The following MYCBP2 variants were observed in gnomAD, a reference collection of about 807,000 sequenced individuals.
MYCBP2 encodes the protein MYC binding protein 2.
In MYCBP2, 120 loss-of-function variants were observed where a neutral mutation model predicts 525.3. The ratio of observed to expected loss-of-function variants is 0.23; its 90% CI spans 0.20 to 0.27. The LOEUF (loss-of-function observed/expected upper bound fraction) is 0.27, where lower values mean the gene tolerates loss of function less well. Among genes scored for constraint, MYCBP2 ranks in the 10% least tolerant of loss-of-function variants. The pLI is 1.00. For missense variants in MYCBP2, 4,149 were observed against 5,657.1 expected (o/e 0.73, Z 8.55); for synonymous variants, 1,894 against 1,955.8 (o/e 0.97, Z 0.83).
intron 41 of MYCBP2, 88 bp downstream of exon 41, chr13:77,166,241 A>T: frequency 1.0e-6 from 1 of 959,866 alleles, no homozygotes; most frequent in African/African-American, 1.7e-5. Context: ...TCTAAAAATT[A>T]GATAAACATT....
intron 29 of MYCBP2, among the ~76,000 whole-genome samples, chr13:77,189,844 T>C (rs1242593012): frequency 6.6e-6 from 1 of 152,176 alleles, no homozygotes. Context: ...ACTCATTTTA[T>C]CAGTCTTATG....
intron 55 of MYCBP2, among the ~76,000 whole-genome samples, chr13:77,114,056 G>A (rs1386021407): frequency 1.3e-5 from 2 of 152,060 alleles, no homozygotes; most frequent in Non-Finnish European, 2.9e-5. Context: ...ATTATAATCC[G>A]GGGTAGAAAT....
rs530303175 is a variant in MYCBP2 at position 77,193,788 on chromosome 13, G to A, written c.3935+365C>T. Reference sequence around the variant, plus strand: ...TTATGGTCAAACATGACCACTTGACGCTAATTATTTATTACCTGTAATGCT... The same window carrying A: ...TTATGGTCAAACATGACCACTTGACACTAATTATTTATTACCTGTAATGCT... On this transcript the variant is annotated intron_variant, in intron 27 of 82. Transcript: ENST00000544440. Among the ~76,000 whole-genome samples, 3 of 152,122 alleles carry A rather than the reference G, an allele frequency of 2.0e-5. 1 individual carries two copies. Among genetic ancestry groups the A allele is most frequent in the African/African-American group, 7.2e-5 (3 of 41,500 alleles).
intron 18 of MYCBP2, among the ~76,000 whole-genome samples, chr13:77,229,774 A>G (rs1027765604): frequency 3.3e-5 from 5 of 152,214 alleles, no homozygotes; most frequent in African/African-American, 7.2e-5. Context: ...AAATTCAGAA[A>G]TAAAATTGAA....
intron 55 of MYCBP2, 181 bp from the exon 56 acceptor site, chr13:77,099,194 T>A (rs1452133825): frequency 1.2e-6 from 1 of 845,914 alleles, no homozygotes; most frequent in Non-Finnish European, 1.8e-6. Flanking sequence ...TTTCTACACA[T>A]CATTACACAA....
intron 34 of MYCBP2, among the ~76,000 whole-genome samples, chr13:77,178,775 T>C (rs1192015227): frequency 6.6e-6 from 1 of 152,186 alleles, no homozygotes; most frequent in African/African-American, 2.4e-5. Flanking sequence ...CTCCCAAAGT[T>C]GTATACCAGG....
chr13:77,190,363 A>G (rs569765214), intron 28 of MYCBP2, 28 bp from the exon 29 acceptor site: 1 of 1,320,612 alleles, frequency 7.6e-7, no homozygotes, highest in Admixed American at 1.7e-5. Context: ...TGATACCAAA[A>G]ACAACATGAT....
chr13:77,052,061 C>T (rs2036930824), intron 80 of MYCBP2, 143 bp from the exon 81 acceptor site: 1 of 633,004 alleles, frequency 1.6e-6, no homozygotes, highest in African/African-American at 1.8e-5. Flanking sequence ...ATGCCAAGTG[C>T]ATGCCCATAT....
At chr13:77,213,034 A>G (rs1476601959) in intron 21 of MYCBP2, among the ~76,000 whole-genome samples, 7 of 152,210 alleles carry the variant, frequency 4.6e-5, no homozygotes, top group African/African-American at 1.4e-4. Flanking sequence ...TAACTGTGGA[A>G]GCAACTGAGC....
At chr13:77,060,350 G>T (rs891455718) in intron 76 of MYCBP2, among the ~76,000 whole-genome samples, 28 of 152,202 alleles carry the variant, frequency 1.8e-4, no homozygotes, top group Non-Finnish European at 1.5e-4. Flanking sequence ...TATTAATGCA[G>T]TATACAGCAC....
At chr13:77,120,329 G>C (rs1256604917) in intron 55 of MYCBP2, among the ~76,000 whole-genome samples, 1 of 151,914 alleles carries the variant, frequency 6.6e-6, no homozygotes, top group Non-Finnish European at 1.5e-5. Flanking sequence ...TAGTCCAAGG[G>C]AGTAAAAAAA....
At chr13:77,057,745 G>A in intron 78 of MYCBP2, among the ~76,000 whole-genome samples, 1 of 151,594 alleles carries the variant, frequency 6.6e-6, no homozygotes, top group East Asian at 1.9e-4. Context: ...AGCATAAAGA[G>A]GCAGAATTTG....
intron 13 of MYCBP2, among the ~76,000 whole-genome samples, chr13:77,259,604 A>G (rs1159122253): frequency 6.6e-6 from 1 of 152,216 alleles, no homozygotes; most frequent in African/African-American, 2.4e-5. Flanking sequence ...ACATTAAGCC[A>G]GTTCACTTAT....
intron 65 of MYCBP2, among the ~76,000 whole-genome samples, chr13:77,079,509 T>C (rs911588889): frequency 6.6e-6 from 1 of 152,200 alleles, no homozygotes; most frequent in Admixed American, 6.5e-5. Context: ...ATTAATTCCT[T>C]GGAGAGCTGC....
chr13:77,156,222 A>T lies in MYCBP2; in HGVS notation c.6771-20T>A. On this transcript the variant is annotated intron_variant, in intron 45 of 82. Coordinates refer to ENST00000544440, the MANE Select transcript of MYCBP2 (RefSeq NM_015057.5). The stretch of plus-strand genomic sequence containing the variant: ...AGCCACCTAACAGTAATGAAAAACA[A>T]ATAAACAAAACCCCAAACACTGATC... The T allele has an allele frequency of 6.2e-7, 1 of 1,605,084 alleles. No homozygotes were observed. The highest frequency in any genetic ancestry group is 1.1e-5 in the South Asian group (1 of 90,534).
At chr13:77,118,531 T>C (rs759380008) in intron 55 of MYCBP2, 1 of 762,912 alleles carries the variant, frequency 1.3e-6, no homozygotes, top group South Asian at 1.3e-5. Flanking sequence ...TACAACTCGT[T>C]ATTCATTAAC....
At chr13:77,247,367 C>T (rs1443457425) in intron 15 of MYCBP2, among the ~76,000 whole-genome samples, 6 of 152,036 alleles carry the variant, frequency 3.9e-5, no homozygotes. Context: ...AAAAAGAATA[C>T]ACTTAGTAAT....
intron 52 of MYCBP2, among the ~76,000 whole-genome samples, chr13:77,138,510 G>C (rs2054101274): frequency 6.6e-6 from 1 of 152,110 alleles, no homozygotes; most frequent in African/African-American, 2.4e-5. Flanking sequence ...CTATCCTAAA[G>C]AGCACACACA....
intron 20 of MYCBP2, among the ~76,000 whole-genome samples, chr13:77,219,629 G>A (rs2065273712): frequency 6.6e-6 from 1 of 152,090 alleles, no homozygotes; most frequent in African/African-American, 2.4e-5. Context: ...ACTGTAACAT[G>A]AGGAAAGAAG....
Sources: gnomAD v4.1 joint callset for allele counts (sites outside exome capture counted in the v4.1 genomes callset) on GRCh38, gnomAD v4.1.1 for gene constraint, MANE v1.5 for transcripts, NCBI Gene and HGNC (gene_info 2026-07-23, HGNC 2026-07-21) for gene names.